Variants in SNTB1 observed in about 807,000 individuals in gnomAD.
SNTB1 encodes the protein syntrophin beta 1.
SNTB1 carries 36 observed loss-of-function variants against 48.9 expected under a neutral mutation model. That is an observed-to-expected ratio of 0.74 (90% CI 0.56 to 0.97). The LOEUF (loss-of-function observed/expected upper bound fraction) is 0.97. SNTB1 is among the 50% of genes least tolerant of loss of function. The pLI is 0.00. For synonymous variants in SNTB1, 299 were observed against 294.6 expected, an observed-to-expected ratio of 1.01 and a Z score of -0.15; for missense variants, 786 against 703.4, an observed-to-expected ratio of 1.12 and a Z score of -1.33.
chr8:120,586,521 A>C (rs1453840944), intron 3 of SNTB1, among the ~76,000 whole-genome samples: 1 of 151,910 alleles, frequency 6.6e-6, no homozygotes, highest in African/African-American at 2.4e-5. Flanking sequence ...TCACCACGTC[A>C]CCTTCCCTTG....
chr8:120,712,414 C>CAAAAA (rs370583854), intron 1 of SNTB1, among the ~76,000 whole-genome samples: 1 of 81,366 alleles, frequency 1.2e-5, no homozygotes, highest in Admixed American at 1.2e-4. Context: ...GACTCCATCT[C>CAAAAA]AAAAAAAAAA....
intron 3 of SNTB1, among the ~76,000 whole-genome samples, chr8:120,592,521 C>T (rs1388483026): frequency 1.3e-5 from 2 of 152,116 alleles, no homozygotes; most frequent in African/African-American, 4.8e-5. Flanking sequence ...ACCATTAGAA[C>T]AGCCTATTCC....
At chr8:120,806,115 T>C (rs1372258353) in intron 1 of SNTB1, among the ~76,000 whole-genome samples, 1 of 152,220 alleles carries the variant, frequency 6.6e-6, no homozygotes, top group African/African-American at 2.4e-5. Flanking sequence ...GAGGCAGAAT[T>C]AGCATTCTTA....
At chr8:120,593,594 A>G (rs2130710340) in intron 3 of SNTB1, among the ~76,000 whole-genome samples, 1 of 152,194 alleles carries the variant, frequency 6.6e-6, no homozygotes, top group South Asian at 2.1e-4. Flanking sequence ...CATTTAATAA[A>G]CTCATTCTTA....
chr8:120,773,668 T>C (rs898533667), intron 1 of SNTB1, among the ~76,000 whole-genome samples: 1 of 152,148 alleles, frequency 6.6e-6, no homozygotes, highest in Non-Finnish European at 1.5e-5. Flanking sequence ...AAAAAAAAGA[T>C]TACCGCCCAA....
chr8:120,768,115 A>C lies in SNTB1; in HGVS notation c.571+43158T>G, dbSNP rs142981106. Among the ~76,000 whole-genome samples the C allele has an allele frequency of 5.0e-3, 760 of 152,346 alleles. 8 individuals carry two copies. The highest frequency in any genetic ancestry group is 0.018 in the African/African-American group (739 of 41,582). ...TAAGTGCACTGCTGGAAAGGCAGGC[A>C]GTTGATTCTGTCCACAAAACTTGTC... On this transcript the variant is annotated intron_variant, in intron 1 of 6. Transcript: ENST00000517992.
rs571757174 is a variant in SNTB1 at position 120,575,320 on chromosome 8, A to G, written c.997-95T>C. ...CCCTAATCAGAGGACTCAGCAATAC[A>G]TTGAGTGTCTTTTGGTTTGGTTGCA... is the stretch of plus-strand genomic sequence containing the variant. On this transcript the variant is annotated intron_variant, in intron 3 of 6. Transcript: ENST00000517992. 4 of 1,393,248 alleles carry G rather than the reference A, an allele frequency of 2.9e-6. No homozygotes were observed. The South Asian group carries it at 3.7e-5, about 13-fold the overall frequency. 86.3% of individuals were successfully genotyped at this position (1,393,248 alleles called of 1,614,324 possible).
intron 1 of SNTB1, among the ~76,000 whole-genome samples, chr8:120,697,983 G>C (rs1818239358): frequency 6.6e-6 from 1 of 152,176 alleles, no homozygotes; most frequent in African/African-American, 2.4e-5. Flanking sequence ...ATATGGGATA[G>C]AGATGAACAG....
At chr8:120,735,977 A>G (rs1055632251) in intron 1 of SNTB1, among the ~76,000 whole-genome samples, 1 of 152,136 alleles carries the variant, frequency 6.6e-6, no homozygotes, top group Non-Finnish European at 1.5e-5. Flanking sequence ...ATTCCCCGAG[A>G]CTGGGTAATT....
At chr8:120,539,764 G>A (rs922471008) in intron 6 of SNTB1, among the ~76,000 whole-genome samples, 8 of 152,114 alleles carry the variant, frequency 5.3e-5, no homozygotes, top group African/African-American at 1.7e-4. Context: ...AGAACAACCC[G>A]AGCATATTAT....
At chr8:120,718,882 G>A (rs773611889) in intron 1 of SNTB1, among the ~76,000 whole-genome samples, 4 of 152,126 alleles carry the variant, frequency 2.6e-5, no homozygotes, top group Admixed American at 6.5e-5. Context: ...ACACAAAAAG[G>A]AAAGATGCTG....
At chr8:120,597,954 T>G (rs946596686) in intron 3 of SNTB1, among the ~76,000 whole-genome samples, 1 of 152,244 alleles carries the variant, frequency 6.6e-6, no homozygotes, top group Non-Finnish European at 1.5e-5. Context: ...ATACATTGTA[T>G]GTGAAATTAA....
intron 3 of SNTB1, among the ~76,000 whole-genome samples, chr8:120,592,974 C>T (rs993192612): frequency 2.6e-5 from 4 of 152,150 alleles, no homozygotes; most frequent in Admixed American, 2.6e-4. Context: ...ACCCCGTTCC[C>T]ATGGCTTTTT....
chr8:120,664,857 C>T (rs1817648556), intron 2 of SNTB1, among the ~76,000 whole-genome samples: 1 of 152,136 alleles, frequency 6.6e-6, no homozygotes. Context: ...CAAACTGTAT[C>T]AGAGTGACTG....
At chr8:120,630,703 T>C (rs887662917) in intron 3 of SNTB1, among the ~76,000 whole-genome samples, 5 of 152,172 alleles carry the variant, frequency 3.3e-5, no homozygotes, top group African/African-American at 1.2e-4. Flanking sequence ...CAGCACCTGA[T>C]TTTTTCCATT....
intron 1 of SNTB1, among the ~76,000 whole-genome samples, chr8:120,706,241 G>C (rs1818374251): frequency 1.3e-5 from 2 of 152,106 alleles, no homozygotes. Context: ...AAAATAAAAA[G>C]TGCTTGAAAA....
chr8:120,784,290 A>G (rs77177684), intron 1 of SNTB1, among the ~76,000 whole-genome samples: 3,488 of 149,988 alleles, frequency 0.023, 128 homozygotes, highest in African/African-American at 0.084. Flanking sequence ...TACTGTGCCC[A>G]GCCTGCACCA....
At chr8:120,595,621 T>C (rs922352970) in intron 3 of SNTB1, among the ~76,000 whole-genome samples, 7 of 152,056 alleles carry the variant, frequency 4.6e-5, no homozygotes, top group African/African-American at 9.7e-5. Flanking sequence ...TTCACTCTTG[T>C]TGCCCAGGCT....
At chr8:120,715,460 T>C (rs1215080437) in intron 1 of SNTB1, among the ~76,000 whole-genome samples, 3 of 152,160 alleles carry the variant, frequency 2.0e-5, no homozygotes, top group African/African-American at 7.2e-5. Context: ...TTAGTTGACA[T>C]CACATGAGTT....
Sources: allele counts gnomAD v4.1 joint callset (sites outside exome capture counted in the v4.1 genomes callset), GRCh38; gene constraint gnomAD v4.1.1; transcripts MANE v1.5; gene names NCBI Gene and HGNC (gene_info 2026-07-23, HGNC 2026-07-21).